The following SPEN variants were observed in gnomAD, a reference collection of about 807,000 sequenced individuals.
SPEN encodes the protein msx2-interacting protein.
In SPEN, 18 loss-of-function variants were observed where a neutral mutation model predicts 269.9. The observed-to-expected ratio is 0.07, with a 90% CI of 0.05 to 0.10. The LOEUF is 0.10. SPEN is among the 10% of genes least tolerant of loss of function. The pLI is 1.00. For missense variants in SPEN, 3,822 were observed against 4,631.2 expected (o/e 0.83, Z 5.07); for synonymous variants, 1,726 against 1,765.7 (o/e 0.98, Z 0.56).
intron 1 of SPEN, among the ~76,000 whole-genome samples, chr1:15,869,744 C>T (rs1428192653): frequency 2.0e-5 from 3 of 152,204 alleles, no homozygotes; most frequent in African/African-American, 7.2e-5. Context: ...TGTGCCACCA[C>T]GTGGCGTGTT....
At chr1:15,917,476 G>A (rs1321557559) in intron 6 of SPEN, among the ~76,000 whole-genome samples, 5 of 152,010 alleles carry the variant, frequency 3.3e-5, no homozygotes, top group African/African-American at 1.2e-4. Context: ...TGCAGCCTCC[G>A]CCTCCTGGGT....
At chr1:15,916,048 A>C in intron 5 of SPEN, 80 bp from the exon 6 acceptor site, 1 of 1,476,102 alleles carries the variant, frequency 6.8e-7, no homozygotes, top group Middle Eastern at 1.8e-4. Context: ...TTGTTTTTTA[A>C]ATGTAGATTT....
Position 15,937,354 on chromosome 1 carries a change from T to C in SPEN, c.10218T>C (p.Ala3406=). 31 of 1,613,984 alleles carry C rather than the reference T, an allele frequency of 1.9e-5. No homozygotes were observed. The highest frequency in any genetic ancestry group is 2.6e-5 in the Non-Finnish European group (31 of 1,180,018). ...GAGTAGAGCAGCCTCGCCTCCCAGC[T>C]GGACCTGCAAACAGGCCACCTGAGC... is the stretch of plus-strand genomic sequence containing the variant. ...QTGVEQPRLP[A]GPANRPPEPH... The change falls in exon 12 of 15, where the codon GCT becomes GCC. Residue 3406 remains alanine (A), a synonymous_variant. Transcript: ENST00000375759. The surrounding 1 kb of genome is among the most constrained non-coding windows in gnomAD (Gnocchi z 5.7).
Position 15,932,287 on chromosome 1 carries a change from A to C in SPEN, c.6047A>C (p.Glu2016Ala). 1 of 1,607,706 alleles carries C rather than the reference A, an allele frequency of 6.2e-7. No individual in the cohort carries two copies. The change falls in exon 11 of 15, where the codon GAG becomes GCG. Residue 2016 changes from glutamate to alanine, a missense_variant. Physicochemically the swap from Glu to Ala is moderately radical, Grantham distance 107. Transcript: ENST00000375759. The surrounding 1 kb of genome is among the most constrained non-coding windows in gnomAD (Gnocchi z 4.2). ...GCTACACGTCCTGAGGCCACCACTG[A>C]GGTGGGCCCCCAAATAGGCGTGAAA... Reference protein sequence around the residue: ...VDATRPEATTEVGPQIGVKES... With the variant: ...VDATRPEATTAVGPQIGVKES...
At chr1:15,910,625 T>TG (rs1250412060) in intron 4 of SPEN, among the ~76,000 whole-genome samples, 1 of 149,246 alleles carries the variant, frequency 6.7e-6, no homozygotes, top group Non-Finnish European at 1.5e-5. Context: ...CTACTGTTTT[T>TG]TGTTTTTTTT....
At chr1:15,857,518 A>G (rs2070399283) in intron 1 of SPEN, among the ~76,000 whole-genome samples, 1 of 150,430 alleles carries the variant, frequency 6.6e-6, no homozygotes, top group Non-Finnish European at 1.5e-5. Flanking sequence ...TACCACGCCC[A>G]GCTAGTTTTT....
intron 1 of SPEN, among the ~76,000 whole-genome samples, chr1:15,856,212 G>T (rs183747587): frequency 7.3e-5 from 11 of 151,514 alleles, no homozygotes; most frequent in Non-Finnish European, 1.3e-4. Flanking sequence ...GCATGGTCTC[G>T]ATCTCCTGAC....
At position 15,934,444 on chromosome 1, in the gene SPEN, C is replaced by T. The variant is rs754688541; in HGVS notation, c.8204C>T (p.Thr2735Ile). ...VNAAASAVNA[T>I]ASAVTVTAGA... Reference sequence around the variant, plus strand: ...GCCGCTGCGAGTGCAGTGAATGCCACAGCAAGTGCAGTGACCGTCACAGCG... The same window carrying T: ...GCCGCTGCGAGTGCAGTGAATGCCATAGCAAGTGCAGTGACCGTCACAGCG... The change falls in exon 11 of 15, where the codon ACA becomes ATA. Residue 2735 changes from threonine to isoleucine, a missense_variant. Around this residue, in one of 16 missense-constraint regions of SPEN, gnomAD observed 329 missense variants for 431.2 expected, o/e 0.76. Coordinates refer to ENST00000375759, the MANE Select transcript of SPEN (RefSeq NM_015001.3). This position sits in a 1 kb window ranked among gnomAD's most constrained non-coding sequence, Gnocchi z 9.2. 8 of 1,614,012 alleles carry T rather than the reference C, an allele frequency of 5.0e-6. No homozygotes were observed. The South Asian group carries it at 7.7e-5, about 16-fold the overall frequency.
chr1:15,932,339 TGAG>T lies in SPEN; in HGVS notation c.6107_6109del (p.Glu2036del), dbSNP rs1350133436. ...AGAGCTCCATGGAACCCAAGGCTGC[TGAG>T]GAGGAGGCAGGGAGTGAACAGAAAC... On this transcript the variant is annotated inframe_deletion, in exon 11 of 15. Coordinates refer to ENST00000375759, the MANE Select transcript of SPEN (RefSeq NM_015001.3). This position sits in a 1 kb window ranked among gnomAD's most constrained non-coding sequence, Gnocchi z 4.2. 10 of 1,613,434 alleles carry T rather than the reference TGAG, an allele frequency of 6.2e-6. No homozygotes were observed. The African/African-American group carries it at 6.7e-5, about 11-fold the overall frequency.
chr1:15,918,177 A>T (rs548802155), intron 6 of SPEN, among the ~76,000 whole-genome samples: 1 of 152,304 alleles, frequency 6.6e-6, no homozygotes, highest in East Asian at 1.9e-4. Context: ...TTTTAATTTT[A>T]AAGGTTAAAG....
At chr1:15,878,463 A>G (rs1569995616) in intron 3 of SPEN, among the ~76,000 whole-genome samples, 1 of 152,220 alleles carries the variant, frequency 6.6e-6, no homozygotes, top group East Asian at 1.9e-4. Context: ...CATGAAAGTT[A>G]CGTTCTATGC....
Position 15,928,812 on chromosome 1 carries a change from A to C in SPEN, c.2572A>C (p.Ser858Arg). The C allele has an allele frequency of 6.2e-7, 1 of 1,614,182 alleles. No individual in the cohort carries two copies. Among genetic ancestry groups the C allele is most frequent in the Non-Finnish European group, 8.5e-7 (1 of 1,180,028 alleles). ...PEKPRSCNKL[S>R]REKADKEGIA... is the part of the protein sequence containing the mutation. The stretch of plus-strand genomic sequence containing the variant: ...AAAGCCCAGGAGTTGTAATAAACTG[A>C]GCAGAGAGAAAGCTGACAAAGAGGG... The change falls in exon 11 of 15, where the codon AGC becomes CGC. Residue 858 changes from serine (S) to arginine (R), a missense_variant. By Grantham distance (110) the Ser-to-Arg change is moderately radical (BLOSUM62 -1). Transcript: ENST00000375759. The surrounding 1 kb of genome is among the most constrained non-coding windows in gnomAD (Gnocchi z 5.7).
Position 15,936,027 on chromosome 1 carries a change from C to T in SPEN, c.9787C>T (p.Pro3263Ser), listed in dbSNP as rs2071271975. ...PVPLPAPAPAPHGEARILTVT... is the reference protein window; with the variant it reads ...PVPLPAPAPASHGEARILTVT... Reference sequence around the variant, plus strand: ...CCCCCTTCCTGCCCCTGCTCCTGCCCCTCATGGTGAGGCCCGTATCCTCAC... The same window carrying T: ...CCCCCTTCCTGCCCCTGCTCCTGCCTCTCATGGTGAGGCCCGTATCCTCAC... Residue 3263 changes from proline to serine, a missense_variant, in exon 11 of 15, where the codon CCT becomes TCT. By Grantham distance (74) the Pro-to-Ser change is moderately conservative. Around this residue, in one of 16 missense-constraint regions of SPEN, gnomAD observed 359 missense variants for 377.3 expected, o/e 0.95. Transcript: ENST00000375759. The T allele has an allele frequency of 6.3e-7, 1 of 1,592,214 alleles. No individual in the cohort carries two copies. The highest frequency in any genetic ancestry group is 1.7e-5 in the Admixed American group (1 of 59,032).
rs2071216741 is a variant in SPEN, at chr1:15,931,168, C to T, written c.4928C>T (p.Thr1643Ile). The change falls in exon 11 of 15, where the codon ACA (threonine) becomes ATA (isoleucine). Residue 1643 changes from threonine (T) to isoleucine (I), a missense_variant. Thr to Ile is a moderately conservative substitution (Grantham distance 89, BLOSUM62 -1). Coordinates refer to ENST00000375759, the MANE Select transcript of SPEN (RefSeq NM_015001.3). This position sits in a 1 kb window ranked among gnomAD's most constrained non-coding sequence, Gnocchi z 4.8. ...TPPSVGPPSV[T>I]VVTLESAPSA... ...CCTTCCGTTGGGCCTCCAAGTGTCA[C>T]AGTCGTAACTCTAGAATCAGCCCCA... is the stretch of plus-strand genomic sequence containing the variant. 6.2e-7 allele frequency: 1 copy of T among 1,614,210 alleles called. No individual in the cohort carries two copies. Among genetic ancestry groups the T allele is most frequent in the Non-Finnish European group, 8.5e-7 (1 of 1,180,042 alleles).
intron 3 of SPEN, among the ~76,000 whole-genome samples, chr1:15,879,790 C>G (rs1201854785): frequency 6.6e-6 from 1 of 151,974 alleles, no homozygotes; most frequent in Non-Finnish European, 1.5e-5. Context: ...TCTGCCTCAG[C>G]CTCTCGAGTA....
In SPEN at chr1:15,935,693, C is replaced by T; in HGVS notation, c.9453C>T (p.Ala3151=). The part of the protein sequence containing the change: ...QPAPAGVPAL[A]SQHPPEEEVH... Reference sequence around the variant, plus strand: ...CCCCAGCTGGTGTGCCTGCACTGGCCTCCCAGCACCCTCCCGAGGAGGAAG... The same window carrying T: ...CCCCAGCTGGTGTGCCTGCACTGGCTTCCCAGCACCCTCCCGAGGAGGAAG... Residue 3151 remains alanine (A), a synonymous_variant, in exon 11 of 15, where the codon GCC becomes GCT. Transcript: ENST00000375759. The surrounding 1 kb of genome is among the most constrained non-coding windows in gnomAD (Gnocchi z 7.7). 1.2e-6 allele frequency: 2 copies of T among 1,613,650 alleles called. No homozygotes were observed. The highest frequency in any genetic ancestry group is 1.1e-5 in the South Asian group (1 of 91,048).
chr1:15,915,348 G>A (rs1269838128), intron 5 of SPEN, among the ~76,000 whole-genome samples: 2 of 152,038 alleles, frequency 1.3e-5, no homozygotes, highest in African/African-American at 4.8e-5. Context: ...AACTAGCTAG[G>A]CATGGTGGCA....
chr1:15,894,950 T>C (rs1454903195), intron 3 of SPEN, among the ~76,000 whole-genome samples: 1 of 151,644 alleles, frequency 6.6e-6, no homozygotes, highest in Non-Finnish European at 1.5e-5. Context: ...GAGACAGAGT[T>C]TCGCTCTTGT....
intron 1 of SPEN, among the ~76,000 whole-genome samples, chr1:15,865,105 G>C (rs1389610336): frequency 6.6e-6 from 1 of 151,932 alleles, no homozygotes. Context: ...GGGCTGGAGT[G>C]CAGTGGTGAG....
Sources: allele counts gnomAD v4.1 joint callset (sites outside exome capture counted in the v4.1 genomes callset), GRCh38; gene constraint gnomAD v4.1.1; regional missense constraint gnomAD v4.1.1; non-coding constraint Gnocchi (gnomAD v3.1); transcripts MANE v1.5; gene names NCBI Gene and HGNC (gene_info 2026-07-23, HGNC 2026-07-21).